Variants in SGCZ observed in about 807,000 individuals in gnomAD.
SGCZ encodes the protein sarcoglycan zeta, also known as zeta-sarcoglycan.
Under a neutral mutation model 41.3 loss-of-function variants are expected in SGCZ, and 40 were observed. That is an observed-to-expected ratio of 0.97 (90% CI 0.75 to 1.26). SGCZ has a LOEUF of 1.26. SGCZ is among the 50% of genes most tolerant of loss of function. SGCZ has a pLI of 0.00. For synonymous variants in SGCZ, 206 were observed against 137.5 expected (o/e 1.50, Z -3.49); for missense variants, 552 against 369.8 (o/e 1.49, Z -4.04).
At chr8:14,401,975 C>T (rs1462991632) in intron 2 of SGCZ, among the ~76,000 whole-genome samples, 5,176 of 150,502 alleles carry the variant, frequency 0.034, 296 homozygotes, top group African/African-American at 0.12. Flanking sequence ...TTAATGATTG[C>T]CATTCTAACT....
intron 1 of SGCZ, among the ~76,000 whole-genome samples, chr8:14,780,401 G>T (rs569506771): frequency 3.3e-4 from 49 of 147,708 alleles, no homozygotes; most frequent in Non-Finnish European, 2.8e-4. Flanking sequence ...GAAAAGAAAA[G>T]AAAACAAAAA....
In SGCZ at chr8:14,164,678, C is replaced by T; in HGVS notation, c.449G>A (p.Cys150Tyr). ...TIGADAVEAQ[C>Y]KRFEVRASED... ...ACTGGCTCTCACTTCAAATCTTTTA[C>T]ACTGAGCTTCCACAGCATCAGCTCC... The change falls in exon 5 of 8, where the codon TGT becomes TAT. Residue 150 changes from cysteine (C) to tyrosine (Y), a missense_variant. Transcript: ENST00000382080. 6.2e-7 allele frequency: 1 copy of T among 1,613,546 alleles called. No homozygotes were observed. The highest frequency in any genetic ancestry group is 8.5e-7 in the Non-Finnish European group (1 of 1,179,668).
At chr8:14,387,395 C>G (rs1804612420) in intron 2 of SGCZ, among the ~76,000 whole-genome samples, 1 of 152,128 alleles carries the variant, frequency 6.6e-6, no homozygotes, top group Admixed American at 6.5e-5. Flanking sequence ...AAAATATCCA[C>G]TATGTAGTAT....
At chr8:15,023,145 A>T (rs945682638) in intron 1 of SGCZ, among the ~76,000 whole-genome samples, 1 of 152,220 alleles carries the variant, frequency 6.6e-6, no homozygotes, top group African/African-American at 2.4e-5. Context: ...GGAAAATCAG[A>T]TAATCACGCT....
intron 1 of SGCZ, among the ~76,000 whole-genome samples, chr8:14,976,896 A>G (rs1281476696): frequency 6.6e-6 from 1 of 152,202 alleles, no homozygotes; most frequent in Non-Finnish European, 1.5e-5. Flanking sequence ...AGTTCTAGAA[A>G]AAGATTGGCT....
intron 1 of SGCZ, among the ~76,000 whole-genome samples, chr8:14,926,706 T>G (rs148644146): frequency 6.6e-6 from 1 of 152,098 alleles, no homozygotes; most frequent in Non-Finnish European, 1.5e-5. Flanking sequence ...AGTGGCATGA[T>G]CTCAGCTCAC....
intron 1 of SGCZ, among the ~76,000 whole-genome samples, chr8:15,028,401 GTTGAAGT>G (rs1180034771): frequency 3.0e-4 from 46 of 151,678 alleles, no homozygotes; most frequent in Non-Finnish European, 5.5e-4. Context: ...GTCTTTCTAA[GTTGAAGT>G]CAGTTTCATA....
chr8:14,275,545 C>T (rs1242012175), intron 3 of SGCZ, among the ~76,000 whole-genome samples: 1 of 152,214 alleles, frequency 6.6e-6, no homozygotes, highest in East Asian at 1.9e-4. Flanking sequence ...TCCTTCTCTG[C>T]CATGTCAGAT....
In SGCZ at chr8:14,624,593, C is replaced by T. The variant is rs1200289764; in HGVS notation, c.40-69667G>A. On this transcript the variant is annotated intron_variant, in intron 1 of 7. Coordinates refer to ENST00000382080, the MANE Select transcript of SGCZ (RefSeq NM_139167.4). ...TTTTTTTTTTTTTTTTTTTTTGAGA[C>T]GGAGTCTCGCTCTGTCGCCCAGGCT... Among the ~76,000 whole-genome samples, 6 of 98,186 alleles carry T rather than the reference C, an allele frequency of 6.1e-5. 1 individual carries two copies. The highest frequency in any genetic ancestry group is 4.7e-4 in the East Asian group (1 of 2,138). The allele number at this position is 98,186 out of a possible 152,430, so 64.4% of individuals were successfully genotyped here.
intron 2 of SGCZ, among the ~76,000 whole-genome samples, chr8:14,337,978 T>G (rs1390058660): frequency 2.0e-5 from 3 of 152,186 alleles, no homozygotes; most frequent in Admixed American, 1.3e-4. Context: ...AGATGCTTAA[T>G]AACTCTTGCT....
chr8:14,428,737 G>A (rs1042279903), intron 2 of SGCZ, among the ~76,000 whole-genome samples: 9 of 152,134 alleles, frequency 5.9e-5, no homozygotes, highest in Non-Finnish European at 1.0e-4. Flanking sequence ...GAAGGCTCTG[G>A]TAGTTCATAC....
At chr8:14,569,365 G>A (rs1296577734) in intron 1 of SGCZ, among the ~76,000 whole-genome samples, 1 of 152,004 alleles carries the variant, frequency 6.6e-6, no homozygotes, top group African/African-American at 2.4e-5. Context: ...GGTCCTTACT[G>A]TTTCAGGATT....
Position 14,513,970 on chromosome 8 carries a change from G to C in SGCZ, c.234+40762C>G, listed in dbSNP as rs76161892. On this transcript the variant is annotated intron_variant, in intron 2 of 7. Coordinates refer to ENST00000382080, the MANE Select transcript of SGCZ (RefSeq NM_139167.4). ...AGTCAGTTGGAAAGCTGTTGACTAA[G>C]AACCAACTGAGATATATTTGCAATA... Among the ~76,000 whole-genome samples, 841 of 152,156 alleles carry C rather than the reference G, an allele frequency of 5.5e-3. 7 individuals carry two copies. The highest frequency in any genetic ancestry group is 0.018 in the African/African-American group (756 of 41,528).
intron 4 of SGCZ, among the ~76,000 whole-genome samples, chr8:14,225,536 C>A (rs1806342603): frequency 6.6e-6 from 1 of 151,762 alleles, no homozygotes; most frequent in African/African-American, 2.4e-5. Flanking sequence ...TAATCATAGC[C>A]AAAAATAATA....
intron 1 of SGCZ, among the ~76,000 whole-genome samples, chr8:14,936,318 C>T (rs573129640): frequency 2.6e-5 from 4 of 152,012 alleles, no homozygotes; most frequent in South Asian, 2.1e-4. Flanking sequence ...ATATGTCTAA[C>T]GTACCAAGCA....
intron 1 of SGCZ, among the ~76,000 whole-genome samples, chr8:14,931,039 A>C (rs1799910977): frequency 6.6e-6 from 1 of 152,076 alleles, no homozygotes; most frequent in Admixed American, 6.5e-5. Context: ...GTTTGAATAC[A>C]TTATTTTGCA....
chr8:15,130,569 C>G (rs190257466), intron 1 of SGCZ, among the ~76,000 whole-genome samples: 27 of 152,292 alleles, frequency 1.8e-4, no homozygotes, highest in Admixed American at 1.8e-3. Flanking sequence ...GGCTGGCATT[C>G]CGTGTTTAAA....
chr8:14,408,210 G>A (rs557305591), intron 2 of SGCZ, among the ~76,000 whole-genome samples: 10 of 152,204 alleles, frequency 6.6e-5, no homozygotes, highest in Admixed American at 3.3e-4. Context: ...AAATCATCAC[G>A]ATATAGGGCA....
chr8:14,381,814 C>T (rs1280523841), intron 2 of SGCZ, among the ~76,000 whole-genome samples: 1 of 151,698 alleles, frequency 6.6e-6, no homozygotes, highest in African/African-American at 2.4e-5. Context: ...AAAAAACAAA[C>T]AAACAAAAAA....
Sources: gnomAD v4.1 joint callset for allele counts (sites outside exome capture counted in the v4.1 genomes callset) on GRCh38, gnomAD v4.1.1 for gene constraint, MANE v1.5 for transcripts, NCBI Gene and HGNC (gene_info 2026-07-23, HGNC 2026-07-21) for gene names.